The following TCF7L2 variants were observed in gnomAD, a reference collection of about 807,000 sequenced individuals.
TCF7L2 encodes the protein transcription factor 7 like 2, also known as transcription factor 7-like 2.
A neutral mutation model predicts 77.9 loss-of-function variants in TCF7L2; 23 were observed. That is an observed-to-expected ratio of 0.30 (90% CI 0.21 to 0.42). The LOEUF is 0.42. TCF7L2 is among the 10% of genes least tolerant of loss of function. The pLI is 1.00. For missense variants in TCF7L2, 654 were observed against 793.1 expected (o/e 0.82, Z 2.11); for synonymous variants, 413 against 340.2 (o/e 1.21, Z -2.36).
chr10:113,052,035 G>C (rs141720530), intron 5 of TCF7L2, among the ~76,000 whole-genome samples: 4 of 152,240 alleles, frequency 2.6e-5, no homozygotes, highest in East Asian at 1.9e-4. Context: ...TTAAATCATG[G>C]AAAATTGGTG....
chr10:113,007,723 G>T (rs2045808232), intron 4 of TCF7L2, among the ~76,000 whole-genome samples: 1 of 152,218 alleles, frequency 6.6e-6, no homozygotes, highest in Non-Finnish European at 1.5e-5. Flanking sequence ...TTCCTTGGAA[G>T]TGTGAAAACT....
chr10:113,015,895 T>A (rs899990076), intron 4 of TCF7L2, among the ~76,000 whole-genome samples: 2 of 152,216 alleles, frequency 1.3e-5, no homozygotes, highest in African/African-American at 4.8e-5. Flanking sequence ...GGAAACACAT[T>A]GGTCCCACTG....
chr10:112,988,542 C>A (rs1326588008), intron 4 of TCF7L2, among the ~76,000 whole-genome samples: 1 of 152,184 alleles, frequency 6.6e-6, no homozygotes, highest in African/African-American at 2.4e-5. Context: ...TGGAGATAGG[C>A]CGAGTGGGCC....
intron 5 of TCF7L2, among the ~76,000 whole-genome samples, chr10:113,068,424 T>C (rs1310174736): frequency 1.3e-5 from 2 of 152,152 alleles, no homozygotes; most frequent in Non-Finnish European, 2.9e-5. Flanking sequence ...GCCAGGATGC[T>C]GGGAGAGGGA....
chr10:112,973,756 A>G (rs1020017791), intron 4 of TCF7L2, among the ~76,000 whole-genome samples: 1 of 151,866 alleles, frequency 6.6e-6, no homozygotes, highest in Non-Finnish European at 1.5e-5. Context: ...CGCCCTGGCT[A>G]ATTTTTGTAT....
intron 4 of TCF7L2, among the ~76,000 whole-genome samples, chr10:113,037,288 C>T (rs1002633606): frequency 5.9e-5 from 9 of 152,136 alleles, no homozygotes; most frequent in Admixed American, 4.6e-4. Flanking sequence ...TGTGTGTACC[C>T]AGCGGTTCTG....
chr10:113,024,616 C>CTTTTT (rs377705347), intron 4 of TCF7L2, among the ~76,000 whole-genome samples: 2 of 124,802 alleles, frequency 1.6e-5, no homozygotes, highest in Non-Finnish European at 3.4e-5. Flanking sequence ...TATATAAACC[C>CTTTTT]TTTTTTTTTT....
intron 5 of TCF7L2, among the ~76,000 whole-genome samples, chr10:113,052,017 A>G (rs2054558060): frequency 6.6e-6 from 1 of 152,232 alleles, no homozygotes; most frequent in African/African-American, 2.4e-5. Flanking sequence ...TACTAGAAGC[A>G]TTATTTTTTA....
intron 5 of TCF7L2, among the ~76,000 whole-genome samples, chr10:113,134,032 C>G (rs189924418): frequency 6.6e-6 from 1 of 152,194 alleles, no homozygotes; most frequent in South Asian, 2.1e-4. Flanking sequence ...AAGTAAAACT[C>G]GAACCCTGTG....
chr10:112,995,037 GT>G (rs761031555), intron 4 of TCF7L2, among the ~76,000 whole-genome samples: 12 of 152,082 alleles, frequency 7.9e-5, no homozygotes, highest in African/African-American at 1.4e-4. Context: ...GGAGACTGAG[GT>G]TGCAGTGAGC....
chr10:113,017,147 A>G (rs1169046406), intron 4 of TCF7L2, among the ~76,000 whole-genome samples: 1 of 152,210 alleles, frequency 6.6e-6, no homozygotes, highest in Non-Finnish European at 1.5e-5. Flanking sequence ...CCAAAAATTG[A>G]TAGAGATCTA....
chr10:113,065,179 G>A (rs538456021), intron 5 of TCF7L2, among the ~76,000 whole-genome samples: 2 of 152,234 alleles, frequency 1.3e-5, no homozygotes, highest in African/African-American at 2.4e-5. Context: ...ACCCAGTGCA[G>A]GCAAGGTGTT....
chr10:113,050,842 C>T (rs1263058460), intron 5 of TCF7L2, among the ~76,000 whole-genome samples: 1 of 152,162 alleles, frequency 6.6e-6, no homozygotes, highest in Non-Finnish European at 1.5e-5. Flanking sequence ...CATCCCACTT[C>T]TGAAAAGCAC....
chr10:113,146,912 ATG>A (rs1220971690), intron 8 of TCF7L2, among the ~76,000 whole-genome samples: 3 of 144,640 alleles, frequency 2.1e-5, no homozygotes, highest in African/African-American at 5.7e-5. Flanking sequence ...AAAAAAAAAC[ATG>A]TGTGTGTGTG....
At chr10:113,146,204 A>G (rs1265866013) in intron 8 of TCF7L2, 107 bp downstream of exon 8, 68 of 1,041,658 alleles carry the variant, frequency 6.5e-5, no homozygotes, top group Non-Finnish European at 6.0e-6. Flanking sequence ...ATGTAGTTCT[A>G]TTAGTGTAAA....
intron 5 of TCF7L2, among the ~76,000 whole-genome samples, chr10:113,085,224 C>A (rs1005269657): frequency 2.1e-5 from 3 of 141,668 alleles, no homozygotes; most frequent in Non-Finnish European, 4.6e-5. Context: ...CCACATCTGG[C>A]TATTTTTTTT....
intron 4 of TCF7L2, among the ~76,000 whole-genome samples, chr10:112,989,975 G>A (rs35011184): frequency 0.18 from 26,671 of 152,124 alleles, 2,805 homozygotes; most frequent in Middle Eastern, 0.33. Context: ...TTCATTGAGC[G>A]CTTCTGCGAA....
At position 113,152,326 on chromosome 10, in the gene TCF7L2, C is replaced by T. The variant is rs2137177533; in HGVS notation, c.1162-7C>T. The T allele has an allele frequency of 6.2e-7, 1 of 1,611,994 alleles. No individual in the cohort carries two copies. Among genetic ancestry groups the T allele is most frequent in the South Asian group, 1.1e-5 (1 of 91,032 alleles). On this transcript the variant is annotated splice_polypyrimidine_tract_variant and splice_region_variant and intron_variant, in intron 10 of 13. Coordinates refer to ENST00000627217, the MANE Select transcript of TCF7L2 (RefSeq NM_001146274.2). ...TCTTTCTCATCTGTACCCCACGTCC[C>T]CTCCAGTGGCATGCACTGTCCAGAG...
chr10:112,950,915 A>G lies in TCF7L2; in HGVS notation c.159A>G (p.Glu53=). The G allele has an allele frequency of 6.2e-7, 1 of 1,612,086 alleles. No individual in the cohort carries two copies. The highest frequency in any genetic ancestry group is 1.1e-5 in the South Asian group (1 of 90,644). Residue 53 remains glutamate (E), a synonymous_variant, in exon 1 of 14, where the codon GAA becomes GAG. Coordinates refer to ENST00000627217, the MANE Select transcript of TCF7L2 (RefSeq NM_001146274.2). Reference sequence around the variant, plus strand: ...AATCGTCTCTAGTCAATGAATCAGAAACGAATCAAAACAGCTCCTCCGATT... The same window carrying G: ...AATCGTCTCTAGTCAATGAATCAGAGACGAATCAAAACAGCTCCTCCGATT...
Sources: allele counts gnomAD v4.1 joint callset (sites outside exome capture counted in the v4.1 genomes callset), GRCh38; gene constraint gnomAD v4.1.1; transcripts MANE v1.5; gene names NCBI Gene and HGNC (gene_info 2026-07-23, HGNC 2026-07-21).